The following DNAJC2 variants were observed in gnomAD, a reference collection of about 807,000 sequenced individuals.
DNAJC2 encodes the protein DnaJ heat shock protein family (Hsp40) member C2.
Under a neutral mutation model 94.0 loss-of-function variants are expected in DNAJC2, and 32 were observed. That is an observed-to-expected ratio of 0.34 (90% CI 0.26 to 0.46). The LOEUF (loss-of-function observed/expected upper bound fraction) is 0.46. Ranked by LOEUF, DNAJC2 falls within the 20% of genes least tolerant of loss-of-function variation. The probability of loss-of-function intolerance (pLI) is 1.00; values close to 1 mark genes in which losing one functional copy is unlikely to be tolerated. For synonymous variants in DNAJC2, 210 were observed against 229.7 expected (o/e 0.91, Z 0.77); for missense variants, 550 against 719.5 (o/e 0.76, Z 2.69).
chr7:103,318,834 T>C (rs1008884760), intron 12 of DNAJC2, among the ~76,000 whole-genome samples: 10 of 152,212 alleles, frequency 6.6e-5, no homozygotes, highest in African/African-American at 1.4e-4. Context: ...AAAGCTATGC[T>C]TGTGATAGAT....
chr7:103,319,653 T>A lies in DNAJC2; in HGVS notation c.1198A>T (p.Thr400Ser). The A allele has an allele frequency of 6.2e-7, 1 of 1,614,032 alleles. No individual in the cohort carries two copies. The highest frequency in any genetic ancestry group is 1.1e-5 in the South Asian group (1 of 91,072). The part of the protein sequence containing the change: ...ASLQCLNETL[T>S]SCTKEVGKAA... Reference sequence around the variant, plus strand: ...TTTCCTACTTCTTTTGTGCATGATGTGAGTGTTTCATTCAAGCACTGTAAG... The same window carrying A: ...TTTCCTACTTCTTTTGTGCATGATGAGAGTGTTTCATTCAAGCACTGTAAG... The change falls in exon 12 of 17, where the codon ACA becomes TCA. Residue 400 changes from threonine to serine, a missense_variant. Thr to Ser is a moderately conservative substitution (Grantham distance 58). This residue lies in a region of DNAJC2 where 271 missense variants were observed against 302.6 expected (regional missense o/e 0.90). Transcript: ENST00000379263.
chr7:103,313,421 C>T (rs1315137218), intron 15 of DNAJC2: 2 of 982,918 alleles, frequency 2.0e-6, no homozygotes, highest in Admixed American at 1.2e-4. Flanking sequence ...ATTTATAGTA[C>T]TGTTGGACTC....
intron 16 of DNAJC2, 37 bp downstream of exon 16, chr7:103,312,910 T>C: frequency 6.3e-7 from 1 of 1,587,544 alleles, no homozygotes; most frequent in Non-Finnish European, 8.5e-7. Context: ...AGCTACAATT[T>C]AAAATACAAC....
chr7:103,342,774 A>C (rs1392783017), intron 1 of DNAJC2, among the ~76,000 whole-genome samples: 3 of 151,080 alleles, frequency 2.0e-5, no homozygotes, highest in African/African-American at 7.3e-5. Context: ...ACCCCCGGCT[A>C]ATTTTTTGCA....
At chr7:103,321,532 A>G (rs1818412511) in intron 10 of DNAJC2, among the ~76,000 whole-genome samples, 1 of 151,824 alleles carries the variant, frequency 6.6e-6, no homozygotes, top group Non-Finnish European at 1.5e-5. Context: ...AAATAAATAA[A>G]TAAAAATAAT....
At chr7:103,330,940 G>T (rs114388582) in intron 3 of DNAJC2, among the ~76,000 whole-genome samples, 2 of 151,254 alleles carry the variant, frequency 1.3e-5, no homozygotes, top group African/African-American at 4.9e-5. Context: ...TGATTATTTT[G>T]TTCATAATAC....
rs757152376 is a variant in DNAJC2 at position 103,322,775 on chromosome 7, T to C, written c.739A>G (p.Ile247Val). The C allele has an allele frequency of 6.2e-7, 1 of 1,606,140 alleles. No individual in the cohort carries two copies. The highest frequency in any genetic ancestry group is 1.7e-5 in the Admixed American group (1 of 59,990). The change falls in exon 8 of 17, where the codon ATT becomes GTT. Residue 247 changes from isoleucine to valine, a missense_variant. This residue lies in a region of DNAJC2 where 279 missense variants were observed against 416.9 expected (regional missense o/e 0.67). Coordinates refer to ENST00000379263, the MANE Select transcript of DNAJC2 (RefSeq NM_014377.3). ...KAECRDERRW[I>V]EKQNRATRAQ... ...CTTGTTGCTCTGTTCTGCTTTTCAA[T>C]CCATCTCCTCTCATCACGACTATAA...
chr7:103,334,099 C>T (rs953202463), intron 3 of DNAJC2, among the ~76,000 whole-genome samples: 3 of 151,954 alleles, frequency 2.0e-5, no homozygotes, highest in African/African-American at 4.8e-5. Context: ...TACAGGTACC[C>T]GCCACCACGC....
chr7:103,325,332 G>A (rs1818645402), intron 5 of DNAJC2, among the ~76,000 whole-genome samples: 1 of 152,110 alleles, frequency 6.6e-6, no homozygotes, highest in Admixed American at 6.5e-5. Context: ...AGCTACTCAG[G>A]AGGCTGAGGC....
intron 4 of DNAJC2, among the ~76,000 whole-genome samples, chr7:103,327,164 G>A (rs1486431426): frequency 6.6e-6 from 1 of 152,112 alleles, no homozygotes; most frequent in Admixed American, 6.6e-5. Flanking sequence ...GCTTAGTGAT[G>A]TGTATGTAAA....
chr7:103,323,318 A>C (rs79525987), intron 7 of DNAJC2, among the ~76,000 whole-genome samples: 2,115 of 152,332 alleles, frequency 0.014, 49 homozygotes, highest in African/African-American at 0.047. Flanking sequence ...AAAAAAAATT[A>C]ATAAAACCTA....
chr7:103,322,183 A>G, intron 9 of DNAJC2, 102 bp from the exon 10 acceptor site: 4 of 893,142 alleles, frequency 4.5e-6, no homozygotes, highest in Non-Finnish European at 6.2e-6. Flanking sequence ...TATTAGGAAA[A>G]AAGGCAACAT....
chr7:103,313,184 T>C, intron 15 of DNAJC2, 83 bp from the exon 16 acceptor site: 1 of 1,481,484 alleles, frequency 6.7e-7, no homozygotes, highest in Non-Finnish European at 8.9e-7. Context: ...ATTCGCTAAG[T>C]GCCCATTTCA....
intron 13 of DNAJC2, 94 bp downstream of exon 13, chr7:103,316,736 G>A (rs1056368464): frequency 2.8e-6 from 3 of 1,067,388 alleles, no homozygotes; most frequent in South Asian, 3.1e-5. Flanking sequence ...ATCTCTGCAA[G>A]TTTCTGTGAT....
chr7:103,326,427 G>T, intron 5 of DNAJC2, 116 bp downstream of exon 5: 2 of 1,028,600 alleles, frequency 1.9e-6, no homozygotes, highest in South Asian at 1.5e-5. Context: ...AGGAGGAAGA[G>T]ACAGTGGAAA....
chr7:103,320,949 G>GCA (rs766438222), intron 10 of DNAJC2: 2 of 152,496 alleles, frequency 1.3e-5, no homozygotes, highest in Non-Finnish European at 2.9e-5. Flanking sequence ...TATAATCCTA[G>GCA]CACTTTGGGA....
rs1818778795 is a variant in DNAJC2, at chr7:103,327,681, A to G, written c.405T>C (p.Asn135=). The G allele has an allele frequency of 6.2e-7, 1 of 1,611,700 alleles. No individual in the cohort carries two copies. The highest frequency in any genetic ancestry group is 2.2e-5 in the East Asian group (1 of 44,830). Residue 135 remains asparagine (N), a synonymous_variant, in exon 4 of 17, where the codon AAT becomes AAC. Transcript: ENST00000379263. ...CTTTAGTTATGCAAGTGAAGTAGTC[A>G]TTATCTCCTTCTTTTATTGGTTCAC... The part of the protein sequence containing the change: ...AAGEPIKEGD[N]DYFTCITKAY...
rs766161317 is a variant in DNAJC2, at chr7:103,312,933, C to T, written c.1791+14G>A. Reference sequence around the variant, plus strand: ...TTTAAAATACAACAATCTATAAACGCTTAAGTCTGCAACCTTGTATCGTTT... The same window carrying T: ...TTTAAAATACAACAATCTATAAACGTTTAAGTCTGCAACCTTGTATCGTTT... On this transcript the variant is annotated intron_variant, in intron 16 of 16. Coordinates refer to ENST00000379263, the MANE Select transcript of DNAJC2 (RefSeq NM_014377.3). The T allele has an allele frequency of 7.5e-6, 12 of 1,602,066 alleles. No homozygotes were observed. Among genetic ancestry groups the T allele is most frequent in the Non-Finnish European group, 1.0e-5 (12 of 1,177,048 alleles).
intron 2 of DNAJC2, among the ~76,000 whole-genome samples, chr7:103,338,142 C>T (rs1375094469): frequency 6.6e-6 from 1 of 151,538 alleles, no homozygotes; most frequent in Non-Finnish European, 1.5e-5. Context: ...TGGTGGTGTG[C>T]ACCTGTAGTT....
Sources: gnomAD v4.1 joint callset for allele counts (sites outside exome capture counted in the v4.1 genomes callset) on GRCh38, gnomAD v4.1.1 for gene constraint, gnomAD v4.1.1 regional missense constraint, MANE v1.5 for transcripts, NCBI Gene and HGNC (gene_info 2026-07-23, HGNC 2026-07-21) for gene names.